The following AGPS variants were observed in gnomAD, a reference collection of about 807,000 sequenced individuals.
The protein encoded by AGPS is alkyldihydroxyacetonephosphate synthase, peroxisomal.
In AGPS, 26 loss-of-function variants were observed where a neutral mutation model predicts 90.7. The ratio of observed to expected loss-of-function variants is 0.29; its 90% confidence interval spans 0.21 to 0.40. AGPS has a LOEUF of 0.40. AGPS is among the 10% of genes least tolerant of loss of function. The pLI is 1.00. For synonymous variants in AGPS, 294 were observed against 285.3 expected (o/e 1.03, Z -0.31); for missense variants, 540 against 816.1 (o/e 0.66, Z 4.12).
At chr2:177,502,683 G>T (rs902247622) in intron 14 of AGPS, among the ~76,000 whole-genome samples, 7 of 151,940 alleles carry the variant, frequency 4.6e-5, no homozygotes, top group African/African-American at 1.7e-4. Flanking sequence ...CTCCCACCTT[G>T]GCCTCCCAAA....
intron 1 of AGPS, among the ~76,000 whole-genome samples, chr2:177,404,490 T>C (rs954688846): frequency 1.6e-4 from 24 of 152,142 alleles, no homozygotes; most frequent in African/African-American, 5.3e-4. Context: ...ACATTTTGCA[T>C]GTATTTAAAC....
At chr2:177,461,153 A>G (rs1172872291) in intron 8 of AGPS, among the ~76,000 whole-genome samples, 2 of 152,172 alleles carry the variant, frequency 1.3e-5, no homozygotes, top group Non-Finnish European at 2.9e-5. Flanking sequence ...TGGTGTCTGT[A>G]CCGTTTGAGA....
At chr2:177,468,312 A>G (rs1007494942) in intron 9 of AGPS, 104 bp from the exon 10 acceptor site, 6 of 644,632 alleles carry the variant, frequency 9.3e-6, no homozygotes, top group African/African-American at 7.3e-5. Context: ...ACTTAACCCA[A>G]TACTTTAAAA....
intron 11 of AGPS, among the ~76,000 whole-genome samples, chr2:177,489,231 C>T (rs751469950): frequency 1.1e-4 from 16 of 152,022 alleles, no homozygotes; most frequent in South Asian, 1.0e-3. Flanking sequence ...ACTACAGGCG[C>T]CTGCCACCAC....
Position 177,392,797 on chromosome 2 carries a change from A to AGGC in AGPS, c.15_17dup (p.Ala8dup). On this transcript the variant is annotated inframe_insertion, in exon 1 of 20. Coordinates refer to ENST00000264167, the MANE Select transcript of AGPS (RefSeq NM_003659.4). ...CAGCACAAGGCGGTAGCCATGGCGG[A>AGGC]GGCGGCGGCTGCAGCGGGTGGGACT... 2 of 1,499,808 alleles carry AGGC rather than the reference A, an allele frequency of 1.3e-6. No individual in the cohort carries two copies. Among genetic ancestry groups the AGGC allele is most frequent in the Non-Finnish European group, 1.8e-6 (2 of 1,137,766 alleles). 92.9% of individuals were successfully genotyped at this position (1,499,808 alleles called of 1,614,324 possible). A position where few individuals can be genotyped will look rare whatever the true frequency, so the allele number is the denominator to read the frequency against.
intron 9 of AGPS, 48 bp from the exon 10 acceptor site, chr2:177,468,368 A>G: frequency 8.9e-7 from 1 of 1,129,092 alleles, no homozygotes; most frequent in Non-Finnish European, 1.3e-6. Context: ...ATAGACACAC[A>G]TTCACTAACA....
chr2:177,521,383 C>T lies in AGPS; in HGVS notation c.1797+15C>T. 6.4e-7 allele frequency: 1 copy of T among 1,563,030 alleles called. No individual in the cohort carries two copies. Among genetic ancestry groups the T allele is most frequent in the Non-Finnish European group, 8.8e-7 (1 of 1,133,742 alleles). On this transcript the variant is annotated intron_variant, in intron 18 of 19. Transcript: ENST00000264167. ...AACAAACTGAGGTAATTTTGCATACCTGCATATAGCTTTTACAGCTGTTGA... is the reference window on the plus strand; with the variant it reads ...AACAAACTGAGGTAATTTTGCATACTTGCATATAGCTTTTACAGCTGTTGA...
At position 177,420,010 on chromosome 2, in the gene AGPS, A is replaced by G. The variant is rs552314734; in HGVS notation, c.261-259A>G. ...TAAGCATATCTTCTTCCTTTTTGCAACTTTTTATTTCTTCCTTTGAATGCA... is the reference window on the plus strand; with the variant it reads ...TAAGCATATCTTCTTCCTTTTTGCAGCTTTTTATTTCTTCCTTTGAATGCA... On this transcript the variant is annotated intron_variant, in intron 1 of 19. Transcript: ENST00000264167. Among the ~76,000 whole-genome samples, 7 of 151,900 alleles carry G rather than the reference A, an allele frequency of 4.6e-5. No homozygotes were observed. In the South Asian group the frequency reaches 8.3e-4, roughly 18 times the overall value.
chr2:177,398,098 G>A (rs566750540), intron 1 of AGPS, among the ~76,000 whole-genome samples: 2 of 152,310 alleles, frequency 1.3e-5, no homozygotes, highest in Non-Finnish European at 2.9e-5. Context: ...ATATTTTCCA[G>A]AAGGAATACA....
rs1294209081 is a variant in AGPS, at chr2:177,436,854, G to C, written c.532G>C (p.Glu178Gln). 1 of 1,612,714 alleles carries C rather than the reference G, an allele frequency of 6.2e-7. No homozygotes were observed. The highest frequency in any genetic ancestry group is 8.5e-7 in the Non-Finnish European group (1 of 1,179,036). Reference sequence around the variant, plus strand: ...AGAAACTAATATTTCATATTCACAAGAGGCAGATGATCGAGTATTTAGAGC... The same window carrying C: ...AGAAACTAATATTTCATATTCACAACAGGCAGATGATCGAGTATTTAGAGC... The part of the protein sequence containing the change: ...LKETNISYSQ[E>Q]ADDRVFRAHG... Residue 178 changes from glutamate (E) to glutamine (Q), a missense_variant, in exon 4 of 20, where the codon GAG (glutamate) becomes CAG (glutamine). By Grantham distance (29) the Glu-to-Gln change is conservative. Transcript: ENST00000264167.
At chr2:177,468,257 A>G (rs1490295845) in intron 9 of AGPS, among the ~76,000 whole-genome samples, 159 bp from the exon 10 acceptor site, 2 of 152,130 alleles carry the variant, frequency 1.3e-5, no homozygotes, top group African/African-American at 4.8e-5. Context: ...TTAGTCTAAA[A>G]ATTACTAAAA....
intron 14 of AGPS, among the ~76,000 whole-genome samples, chr2:177,499,971 C>CAT (rs1195933016): frequency 1.3e-5 from 2 of 151,632 alleles, no homozygotes; most frequent in Non-Finnish European, 3.0e-5. Context: ...CTTGTCTAAT[C>CAT]ATATATATAT....
At chr2:177,403,360 G>A (rs1685381864) in intron 1 of AGPS, among the ~76,000 whole-genome samples, 2 of 152,166 alleles carry the variant, frequency 1.3e-5, no homozygotes, top group Non-Finnish European at 2.9e-5. Context: ...ATCTGAGGGT[G>A]AAAATATTGA....
At chr2:177,463,650 CTATT>C (rs1422849786) in intron 9 of AGPS, among the ~76,000 whole-genome samples, 7 of 151,804 alleles carry the variant, frequency 4.6e-5, no homozygotes, top group Admixed American at 1.3e-4. Context: ...TTTCATTATC[CTATT>C]TATTTTTCTT....
intron 11 of AGPS, among the ~76,000 whole-genome samples, chr2:177,486,688 G>A (rs1003647954): frequency 9.2e-5 from 6 of 65,302 alleles, no homozygotes; most frequent in African/African-American, 2.2e-4. Context: ...TATCTTTTGG[G>A]AAAGAACATA....
At chr2:177,437,489 A>G (rs1574366830) in intron 5 of AGPS, among the ~76,000 whole-genome samples, 1 of 152,166 alleles carries the variant, frequency 6.6e-6, no homozygotes, top group African/African-American at 2.4e-5. Context: ...ATGTTTATGC[A>G]TGCTATGTTT....
intron 10 of AGPS, among the ~76,000 whole-genome samples, chr2:177,473,841 G>A (rs1355253244): frequency 6.6e-6 from 1 of 152,188 alleles, no homozygotes; most frequent in Non-Finnish European, 1.5e-5. Context: ...CTGGCTTGTT[G>A]CACAGACTCA....
At chr2:177,430,011 A>T (rs1049164941) in intron 2 of AGPS, among the ~76,000 whole-genome samples, 3 of 152,190 alleles carry the variant, frequency 2.0e-5, no homozygotes, top group African/African-American at 7.2e-5. Flanking sequence ...TCCCACAGGG[A>T]GTCCCCACCC....
intron 1 of AGPS, among the ~76,000 whole-genome samples, chr2:177,394,478 T>C (rs1685111976): frequency 6.6e-6 from 1 of 151,728 alleles, no homozygotes; most frequent in Non-Finnish European, 1.5e-5. Context: ...GACTCAAGTG[T>C]AGTAGGAGAG....
Sources: gnomAD v4.1 joint callset for allele counts (sites outside exome capture counted in the v4.1 genomes callset) on GRCh38, gnomAD v4.1.1 for gene constraint, MANE v1.5 for transcripts, NCBI Gene and HGNC (gene_info 2026-07-23, HGNC 2026-07-21) for gene names.